The following COL13A1 variants were observed in gnomAD, a reference collection of about 807,000 sequenced individuals.
The protein encoded by COL13A1 is collagen alpha-1(XIII) chain.
In COL13A1, 89 loss-of-function variants were observed where a neutral mutation model predicts 130.9. The observed-to-expected ratio is 0.68, with a 90% confidence interval of 0.57 to 0.81. The LOEUF (loss-of-function observed/expected upper bound fraction) is 0.81, where lower values mean the gene tolerates loss of function less well. COL13A1 is among the 30% of genes least tolerant of loss of function. The pLI is 0.00. For synonymous variants in COL13A1, 402 were observed against 341.6 expected, an observed-to-expected ratio of 1.18 and a Z score of -1.95; for missense variants, 879 against 934.6, an observed-to-expected ratio of 0.94 and a Z score of 0.78.
chr10:69,930,138 GGGGCAGGAGGTC>G (rs1219544002), intron 29 of COL13A1, 51 bp downstream of exon 29: 1 of 1,586,972 alleles, frequency 6.3e-7, no homozygotes, highest in Non-Finnish European at 8.6e-7. Context: ...CTTGGCCCTG[GGGGCAGGAGGTC>G]GGGCAGGAAG....
intron 1 of COL13A1, among the ~76,000 whole-genome samples, chr10:69,805,519 A>G (rs1841330468): frequency 3.3e-5 from 5 of 152,172 alleles, no homozygotes; most frequent in Non-Finnish European, 7.3e-5. Flanking sequence ...CATTATATTT[A>G]AACTAACTAA....
chr10:69,803,381 G>A (rs1840589703), intron 1 of COL13A1, among the ~76,000 whole-genome samples: 1 of 152,250 alleles, frequency 6.6e-6, no homozygotes, highest in Non-Finnish European at 1.5e-5. Context: ...GATCCAAGTA[G>A]ATTAAACACT....
chr10:69,952,753 G>T (rs908470789), intron 38 of COL13A1, 129 bp from the exon 39 acceptor site: 3 of 658,398 alleles, frequency 4.6e-6, no homozygotes, highest in Non-Finnish European at 7.3e-6. Context: ...CTACTGGGGA[G>T]AATATCCTAA....
At chr10:69,803,415 C>T (rs565089430) in intron 1 of COL13A1, among the ~76,000 whole-genome samples, 16 of 152,338 alleles carry the variant, frequency 1.1e-4, no homozygotes, top group African/African-American at 3.1e-4. Context: ...GTAGCTATGG[C>T]AATCTTCGGA....
intron 38 of COL13A1, among the ~76,000 whole-genome samples, chr10:69,951,385 G>T (rs910740380): frequency 2.0e-5 from 3 of 151,606 alleles, no homozygotes; most frequent in Admixed American, 1.3e-4. Context: ...TTTCAGACAG[G>T]GTCTTGCTTT....
intron 27 of COL13A1, among the ~76,000 whole-genome samples, chr10:69,928,043 T>A (rs1430915047): frequency 6.6e-6 from 1 of 152,048 alleles, no homozygotes; most frequent in Admixed American, 6.6e-5. Flanking sequence ...TCCCAGCTAC[T>A]CAGTAGGCTG....
In COL13A1 at chr10:69,952,884, G is replaced by A. The variant is rs776416441; in HGVS notation, c.2061G>A (p.Gly687=). ...TCGGACTAAACCATTATTTACAGGGGGAGAGGGGGAAGAAAGGCTCTAGAG... is the reference window on the plus strand; with the variant it reads ...TCGGACTAAACCATTATTTACAGGGAGAGAGGGGGAAGAAAGGCTCTAGAG... The part of the protein sequence containing the change: ...HGPPGDKGNR[G]ERGKKGSRGP... The change falls in exon 39 of 41, where the codon GGG becomes GGA. Residue 687 remains glycine (G), a splice_region_variant and synonymous_variant. Transcript: ENST00000645393. The A allele has an allele frequency of 5.8e-6, 9 of 1,550,762 alleles. No homozygotes were observed. The highest frequency in any genetic ancestry group is 6.9e-6 in the Non-Finnish European group (8 of 1,157,662).
At chr10:69,935,494 A>T in intron 32 of COL13A1, 103 bp downstream of exon 32, 1 of 874,708 alleles carries the variant, frequency 1.1e-6, no homozygotes, top group Non-Finnish European at 1.7e-6. Context: ...TCTTCCTCCC[A>T]GGGAGGGATT....
chr10:69,866,911 C>G (rs142425311), intron 2 of COL13A1, among the ~76,000 whole-genome samples: 1 of 152,138 alleles, frequency 6.6e-6, no homozygotes, highest in African/African-American at 2.4e-5. Context: ...CACTAGGGGC[C>G]GGGCAGACAC....
chr10:69,920,655 C>T (rs754225771), intron 21 of COL13A1, among the ~76,000 whole-genome samples: 2 of 152,226 alleles, frequency 1.3e-5, no homozygotes, highest in Non-Finnish European at 2.9e-5. Flanking sequence ...ATATTCAAGG[C>T]AGGAAGAGGG....
intron 1 of COL13A1, among the ~76,000 whole-genome samples, chr10:69,812,681 C>T (rs59999447): frequency 0.1 from 15,808 of 152,242 alleles, 1,237 homozygotes; most frequent in African/African-American, 0.21. Flanking sequence ...GCAGTGAGTG[C>T]TGGAGGAATT....
intron 31 of COL13A1, among the ~76,000 whole-genome samples, chr10:69,934,462 G>A (rs1014282563): frequency 6.6e-6 from 1 of 152,316 alleles, no homozygotes; most frequent in African/African-American, 2.4e-5. Context: ...CAGTGTAGGG[G>A]TGCCCTCTGT....
chr10:69,847,911 G>T (rs1853597517), intron 2 of COL13A1, among the ~76,000 whole-genome samples: 1 of 152,264 alleles, frequency 6.6e-6, no homozygotes, highest in African/African-American at 2.4e-5. Flanking sequence ...TTCCTGCAAA[G>T]GGCTGGACCC....
At chr10:69,957,552 A>T (rs2071005702) in intron 40 of COL13A1, among the ~76,000 whole-genome samples, 1 of 152,122 alleles carries the variant, frequency 6.6e-6, no homozygotes, top group Admixed American at 6.5e-5. Flanking sequence ...CTGCAGCCAA[A>T]TCTCTCCTGG....
rs567379564 is a variant in COL13A1, at chr10:69,824,994, C to T, written c.364+2556C>T. Among the ~76,000 whole-genome samples the T allele has an allele frequency of 2.6e-5, 4 of 152,288 alleles. No individual in the cohort carries two copies. The East Asian group carries it at 7.7e-4, about 29-fold the overall frequency. ...TAGGATGGGCTGGGTCCTGCTGGGTCCCCTGCCCTGCCTCTCTCTGACTGA... is the reference window on the plus strand; with the variant it reads ...TAGGATGGGCTGGGTCCTGCTGGGTTCCCTGCCCTGCCTCTCTCTGACTGA... On this transcript the variant is annotated intron_variant, in intron 2 of 40. Transcript: ENST00000645393.
intron 2 of COL13A1, among the ~76,000 whole-genome samples, chr10:69,833,351 C>T (rs749204442): frequency 1.1e-4 from 16 of 152,188 alleles, no homozygotes; most frequent in Non-Finnish European, 1.5e-4. Flanking sequence ...CAGCCCAGGC[C>T]AGGAATCAGC....
intron 33 of COL13A1, 43 bp downstream of exon 33, chr10:69,936,825 G>A: frequency 6.2e-7 from 1 of 1,612,808 alleles, no homozygotes; most frequent in Non-Finnish European, 8.5e-7. Flanking sequence ...AGTGCTAGTA[G>A]AAAAGAGGGA....
At chr10:69,940,717 G>A (rs2067501734) in intron 34 of COL13A1, among the ~76,000 whole-genome samples, 1 of 152,194 alleles carries the variant, frequency 6.6e-6, no homozygotes, top group Non-Finnish European at 1.5e-5. Context: ...GAGAAGGGGG[G>A]CGGGAGGAGC....
intron 1 of COL13A1, among the ~76,000 whole-genome samples, chr10:69,815,580 G>C (rs1314824651): frequency 6.6e-6 from 1 of 152,200 alleles, no homozygotes; most frequent in African/African-American, 2.4e-5. Flanking sequence ...CTAAGTAGGT[G>C]AAGCTGGCTT....
Sources: gnomAD v4.1 joint callset for allele counts (sites outside exome capture counted in the v4.1 genomes callset) on GRCh38, gnomAD v4.1.1 for gene constraint, MANE v1.5 for transcripts, NCBI Gene and HGNC (gene_info 2026-07-23, HGNC 2026-07-21) for gene names.